The following GRIN2B variants were observed in gnomAD, a reference collection of about 807,000 sequenced individuals.
The protein encoded by GRIN2B is glutamate receptor ionotropic, NMDA 2B.
Under a neutral mutation model 114.5 loss-of-function variants are expected in GRIN2B, and 5 were observed. The observed-to-expected ratio is 0.04, with a 90% CI of 0.02 to 0.09. GRIN2B has a LOEUF of 0.09. Among genes scored for constraint, GRIN2B ranks in the 10% least tolerant of loss-of-function variants. The pLI is 1.00. For missense variants in GRIN2B, 1,108 were observed against 1,943.5 expected, an observed-to-expected ratio of 0.57 and a Z score of 8.08; for synonymous variants, 787 against 745.1, an observed-to-expected ratio of 1.06 and a Z score of -0.92.
chr12:13,753,218 T>G lies in GRIN2B; in HGVS notation c.1010+99A>C, dbSNP rs538897891. 12 of 822,672 alleles carry G rather than the reference T, an allele frequency of 1.5e-5. No individual in the cohort carries two copies. The highest frequency in any genetic ancestry group is 2.6e-5 in the Non-Finnish European group (12 of 462,864). 51.0% of individuals were successfully genotyped at this position (822,672 alleles called of 1,614,324 possible). A position where few individuals can be genotyped will look rare whatever the true frequency, so the allele number is the denominator to read the frequency against. On this transcript the variant is annotated intron_variant, in intron 4 of 13. Transcript: ENST00000609686. This position sits in a 1 kb window ranked among gnomAD's most constrained non-coding sequence, Gnocchi z 6.2. ...AAGGCCAGGCTTCAACCTGCTACCG[T>G]CTTGAACTGTTCTTCCTGCAGTTTC...
chr12:13,602,801 A>G (rs1183868430), intron 10 of GRIN2B, among the ~76,000 whole-genome samples: 1 of 152,126 alleles, frequency 6.6e-6, no homozygotes, highest in Non-Finnish European at 1.5e-5. Context: ...AAAGATAGCT[A>G]CCCTCATTAA....
chr12:13,584,497 T>C (rs1020845908), intron 10 of GRIN2B, among the ~76,000 whole-genome samples: 5 of 152,222 alleles, frequency 3.3e-5, no homozygotes, highest in African/African-American at 1.2e-4. Flanking sequence ...CCATTCAAAG[T>C]GCACTATTTA....
At chr12:13,628,480 C>T (rs538595411) in intron 5 of GRIN2B, among the ~76,000 whole-genome samples, 4 of 152,184 alleles carry the variant, frequency 2.6e-5, no homozygotes, top group Non-Finnish European at 5.9e-5. Context: ...TGAAAATATG[C>T]AGGAATCTAC....
intron 10 of GRIN2B, among the ~76,000 whole-genome samples, chr12:13,607,345 T>TATTATATATA (rs1949280876): frequency 9.1e-5 from 4 of 44,090 alleles, no homozygotes; most frequent in African/African-American, 2.8e-4. Context: ...TTATATATAA[T>TATTATATATA]ATATAAAATA....
rs558679975 is a variant in GRIN2B at position 13,544,393 on chromosome 12, A to G, written c.*18390T>C. The G allele has an allele frequency of 1.3e-5, 2 of 152,232 alleles. No individual in the cohort carries two copies. The highest frequency in any genetic ancestry group is 2.9e-5 in the Non-Finnish European group (2 of 68,058). 9.4% of individuals were successfully genotyped at this position (152,232 alleles called of 1,614,324 possible). On this transcript the variant is annotated 3_prime_UTR_variant, in exon 14 of 14. Coordinates refer to ENST00000609686, the MANE Select transcript of GRIN2B (RefSeq NM_000834.5). ...AATCCTCCACCCTGGGCCTCAGTCTAGAGAATCCTCTTCTGTCGCTACTCA... is the reference window on the plus strand; with the variant it reads ...AATCCTCCACCCTGGGCCTCAGTCTGGAGAATCCTCTTCTGTCGCTACTCA...
chr12:13,755,758 A>C (rs1863565298), intron 3 of GRIN2B, among the ~76,000 whole-genome samples: 1 of 152,184 alleles, frequency 6.6e-6, no homozygotes. Context: ...GAATGTTTGC[A>C]TCCTCCTCAA....
At chr12:13,757,973 C>A (rs772216618) in intron 3 of GRIN2B, among the ~76,000 whole-genome samples, 2 of 152,144 alleles carry the variant, frequency 1.3e-5, no homozygotes, top group South Asian at 4.1e-4. Flanking sequence ...AGTGCCCCAG[C>A]GGCTGGTAGT....
In GRIN2B at chr12:13,842,663, T is replaced by C. The variant is rs117892197; in HGVS notation, c.411+23135A>G. 7.7e-3 allele frequency among the ~76,000 whole-genome samples: 1,167 copies of C among 152,304 alleles called. 4 individuals carry two copies. The highest frequency in any genetic ancestry group is 0.012 in the South Asian group (56 of 4,826). On this transcript the variant is annotated intron_variant, in intron 3 of 13. Coordinates refer to ENST00000609686, the MANE Select transcript of GRIN2B (RefSeq NM_000834.5). ...TCCAAAAAGCTAATCATTAGATAAT[T>C]TGATGAAATTATCAAAATGTTGACT...
Position 13,545,045 on chromosome 12 carries a change from C to G in GRIN2B, c.*17738G>C, listed in dbSNP as rs1235870744. 1 of 152,234 alleles carries G rather than the reference C, an allele frequency of 6.6e-6. No homozygotes were observed. The highest frequency in any genetic ancestry group is 2.4e-5 in the African/African-American group (1 of 41,428). 9.4% of individuals were successfully genotyped at this position (152,234 alleles called of 1,614,324 possible). A position where few individuals can be genotyped will look rare whatever the true frequency, so the allele number is the denominator to read the frequency against. On this transcript the variant is annotated 3_prime_UTR_variant, in exon 14 of 14. Transcript: ENST00000609686. The stretch of plus-strand genomic sequence containing the variant: ...CCCTACCTGACTTGCGTTATTGCCC[C>G]CTCTCTGACCTCACCTCTCATACTC...
intron 10 of GRIN2B, among the ~76,000 whole-genome samples, chr12:13,598,784 G>A (rs1949109890): frequency 1.3e-5 from 2 of 152,088 alleles, no homozygotes; most frequent in Non-Finnish European, 2.9e-5. Context: ...GTTTGAAAGG[G>A]TTCTCCAGAT....
At chr12:13,704,152 A>T (rs1245387946) in intron 4 of GRIN2B, among the ~76,000 whole-genome samples, 4 of 152,178 alleles carry the variant, frequency 2.6e-5, no homozygotes, top group Admixed American at 2.6e-4. Context: ...TATCAAAGTC[A>T]TCAATTAGGA....
chr12:13,552,923 T>G lies in GRIN2B; in HGVS notation c.*9860A>C, dbSNP rs1948431928. Reference sequence around the variant, plus strand: ...CTTTTTTTTTAAAAAAAGAGACTTGTCACTGCCTGTAACTTATTTGAGTTC... The same window carrying G: ...CTTTTTTTTTAAAAAAAGAGACTTGGCACTGCCTGTAACTTATTTGAGTTC... On this transcript the variant is annotated 3_prime_UTR_variant, in exon 14 of 14. Coordinates refer to ENST00000609686, the MANE Select transcript of GRIN2B (RefSeq NM_000834.5). 6.6e-6 allele frequency: 1 copy of G among 152,178 alleles called. No individual in the cohort carries two copies. Among genetic ancestry groups the G allele is most frequent in the Non-Finnish European group, 1.5e-5 (1 of 68,034 alleles). 9.4% of individuals were successfully genotyped at this position (152,178 alleles called of 1,614,324 possible).
intron 4 of GRIN2B, among the ~76,000 whole-genome samples, chr12:13,717,064 C>CGTGT (rs1555125918): frequency 1.6e-5 from 1 of 61,892 alleles, no homozygotes; most frequent in Non-Finnish European, 3.2e-5. Flanking sequence ...TCATGCCATA[C>CGTGT]GCGTGTGTGT....
At chr12:13,810,933 C>T (rs1473984916) in intron 3 of GRIN2B, among the ~76,000 whole-genome samples, 2 of 152,218 alleles carry the variant, frequency 1.3e-5, no homozygotes, top group African/African-American at 2.4e-5. Flanking sequence ...TAACCATCTA[C>T]CACCTGGTCT....
intron 5 of GRIN2B, among the ~76,000 whole-genome samples, chr12:13,667,058 A>C (rs1201862245): frequency 2.0e-5 from 3 of 152,182 alleles, no homozygotes; most frequent in African/African-American, 7.2e-5. Flanking sequence ...GAATAGAAAC[A>C]GCGCTGGAAA....
At chr12:13,957,720 C>T (rs899760548) in intron 2 of GRIN2B, among the ~76,000 whole-genome samples, 1 of 152,182 alleles carries the variant, frequency 6.6e-6, no homozygotes, top group Non-Finnish European at 1.5e-5. Context: ...CCCAGCACAG[C>T]AGTCGGCTCC....
At chr12:13,962,292 C>T (rs975984362) in intron 2 of GRIN2B, among the ~76,000 whole-genome samples, 1 of 152,070 alleles carries the variant, frequency 6.6e-6, no homozygotes, top group Non-Finnish European at 1.5e-5. Context: ...TCATGCCCAC[C>T]CCTGATTCCA....
chr12:13,953,188 G>A (rs1453823454), intron 2 of GRIN2B, among the ~76,000 whole-genome samples: 1 of 152,084 alleles, frequency 6.6e-6, no homozygotes, highest in East Asian at 1.9e-4. Context: ...TGGCAGCAGG[G>A]ATGTCCAAAG....
chr12:13,747,658 G>A (rs1487191842), intron 4 of GRIN2B, among the ~76,000 whole-genome samples: 1 of 152,172 alleles, frequency 6.6e-6, no homozygotes, highest in African/African-American at 2.4e-5. Flanking sequence ...AAAAGCCACT[G>A]TGCCAGCTAT....
Sources: gnomAD v4.1 joint callset for allele counts (sites outside exome capture counted in the v4.1 genomes callset) on GRCh38, gnomAD v4.1.1 for gene constraint, Gnocchi (gnomAD v3.1) non-coding constraint, MANE v1.5 for transcripts, NCBI Gene and HGNC (gene_info 2026-07-23, HGNC 2026-07-21) for gene names.